Variants in BRIP1 observed in about 807,000 individuals in gnomAD.
The protein encoded by BRIP1 is Fanconi anemia group J protein.
A neutral mutation model predicts 119.7 loss-of-function variants in BRIP1; 88 were observed. The observed-to-expected ratio is 0.74, with a 90% CI of 0.62 to 0.88. BRIP1 has a LOEUF of 0.88. BRIP1 is among the 40% of genes least tolerant of loss of function. The pLI is 0.00. For synonymous variants in BRIP1, 443 were observed against 496.5 expected, an observed-to-expected ratio of 0.89 and a Z score of 1.43; for missense variants, 1,259 against 1,455.4, an observed-to-expected ratio of 0.87 and a Z score of 2.20.
In BRIP1 at chr17:61,780,552, A is replaced by T; in HGVS notation, c.1795-151T>A. 1.3e-6 allele frequency: 1 copy of T among 767,942 alleles called. No individual in the cohort carries two copies. The highest frequency in any genetic ancestry group is 2.2e-6 in the Non-Finnish European group (1 of 464,558). The allele number at this position is 767,942 out of a possible 1,614,324, so 47.6% of individuals were successfully genotyped here. A position where few individuals can be genotyped will look rare whatever the true frequency, so the allele number is the denominator to read the frequency against. On this transcript the variant is annotated intron_variant, in intron 12 of 19. Transcript: ENST00000259008. This position sits in a 1 kb window ranked among gnomAD's most constrained non-coding sequence, Gnocchi z 5.4. ...AGACCAGCCTGGGCAATATGGTGAA[A>T]CCCCGTCTCTACAAAAAATACAAAA... is the stretch of plus-strand genomic sequence containing the variant.
In BRIP1 at chr17:61,856,552, TA is replaced by T; in HGVS notation, c.379+505del. 6.6e-6 allele frequency among the ~76,000 whole-genome samples: 1 copy of T among 152,242 alleles called. No homozygotes were observed. The highest frequency in any genetic ancestry group is 6.5e-5 in the Admixed American group (1 of 15,282). On this transcript the variant is annotated intron_variant, in intron 4 of 19. Coordinates refer to ENST00000259008, the MANE Select transcript of BRIP1 (RefSeq NM_032043.3). This position sits in a 1 kb window ranked among gnomAD's most constrained non-coding sequence, Gnocchi z 5.1. Reference sequence around the variant, plus strand: ...AGCCAAAAGCAGGTGAAATATTTTTTAAATATATTATTAATAATCTTATGTT... The same window carrying T: ...AGCCAAAAGCAGGTGAAATATTTTTTAATATATTATTAATAATCTTATGTT...
intron 14 of BRIP1, among the ~76,000 whole-genome samples, chr17:61,749,307 GAAA>G (rs1008600589): frequency 6.6e-6 from 1 of 151,062 alleles, no homozygotes; most frequent in Admixed American, 6.6e-5. Context: ...AAAGTAAAGG[GAAA>G]AAAAAGAGTG....
chr17:61,689,609 T>C lies in BRIP1; in HGVS notation c.2576-3444A>G, dbSNP rs2061418000. Among the ~76,000 whole-genome samples the C allele has an allele frequency of 2.6e-5, 4 of 151,956 alleles. No individual in the cohort carries two copies. Among genetic ancestry groups the C allele is most frequent in the Non-Finnish European group, 5.9e-5 (4 of 67,986 alleles). The stretch of plus-strand genomic sequence containing the variant: ...AACCTGAACAGGATGAACCCAAAAG[T>C]CTGTACCAAAACACTTTATAATCAA... On this transcript the variant is annotated intron_variant, in intron 18 of 19. Coordinates refer to ENST00000259008, the MANE Select transcript of BRIP1 (RefSeq NM_032043.3). The surrounding 1 kb of genome is among the most constrained non-coding windows in gnomAD (Gnocchi z 4.5).
chr17:61,777,569 G>T (rs1356363457), intron 13 of BRIP1, among the ~76,000 whole-genome samples: 1 of 152,108 alleles, frequency 6.6e-6, no homozygotes, highest in African/African-American at 2.4e-5. Flanking sequence ...CCTCTGCTTG[G>T]GTTCAATTAA....
Position 61,762,147 on chromosome 17 carries a change from T to C in BRIP1, c.2097+14254A>G, listed in dbSNP as rs568044948. On this transcript the variant is annotated intron_variant, in intron 14 of 19. Coordinates refer to ENST00000259008, the MANE Select transcript of BRIP1 (RefSeq NM_032043.3). This position sits in a 1 kb window ranked among gnomAD's most constrained non-coding sequence, Gnocchi z 4.3. ...CAACAAAGGTGCCAAGTATACACAA[T>C]GGGAAAAAAAGACTCTCTAAAAATG... is the stretch of plus-strand genomic sequence containing the variant. Among the ~76,000 whole-genome samples, 1 of 151,634 alleles carries C rather than the reference T, an allele frequency of 6.6e-6. No homozygotes were observed. The highest frequency in any genetic ancestry group is 2.1e-4 in the South Asian group (1 of 4,796).
rs2077041259 is a variant in BRIP1 at position 61,745,004 on chromosome 17, T to C, written c.2098-413A>G. On this transcript the variant is annotated intron_variant, in intron 14 of 19. Coordinates refer to ENST00000259008, the MANE Select transcript of BRIP1 (RefSeq NM_032043.3). The surrounding 1 kb of genome is among the most constrained non-coding windows in gnomAD (Gnocchi z 4.4). The stretch of plus-strand genomic sequence containing the variant: ...AAACCTCTGTCAAAGTTAACAAACT[T>C]TAAGTTCTCTCTTTAAACCTAAGGT... Among the ~76,000 whole-genome samples, 1 of 152,136 alleles carries C rather than the reference T, an allele frequency of 6.6e-6. No individual in the cohort carries two copies. Among genetic ancestry groups the C allele is most frequent in the African/African-American group, 2.4e-5 (1 of 41,436 alleles).
rs747907706 is a variant in BRIP1 at position 61,683,996 on chromosome 17, G to A, written c.3050C>T (p.Pro1017Leu). ...TGACCCGAGCTCAGGTGTTGCCTTC[G>A]GTATTTTACCAGTAAAATACTGTCC... is the stretch of plus-strand genomic sequence containing the variant. Reference protein sequence around the residue: ...SLGQYFTGKIPKATPELGSSE... With the variant: ...SLGQYFTGKILKATPELGSSE... The change falls in exon 20 of 20, where the codon CCG (proline) becomes CTG (leucine). Residue 1017 changes from proline to leucine, a missense_variant. Coordinates refer to ENST00000259008, the MANE Select transcript of BRIP1 (RefSeq NM_032043.3). The surrounding 1 kb of genome is among the most constrained non-coding windows in gnomAD (Gnocchi z 4.7). The A allele has an allele frequency of 3.3e-5, 54 of 1,613,858 alleles. No homozygotes were observed. Among genetic ancestry groups the A allele is most frequent in the Non-Finnish European group, 4.2e-5 (50 of 1,179,980 alleles).
Position 61,756,272 on chromosome 17 carries a change from T to C in BRIP1, c.2098-11681A>G, listed in dbSNP as rs933325818. Among the ~76,000 whole-genome samples the C allele has an allele frequency of 1.4e-4, 21 of 152,310 alleles. No individual in the cohort carries two copies. Among genetic ancestry groups the C allele is most frequent in the Admixed American group, 7.8e-4 (12 of 15,296 alleles). Reference sequence around the variant, plus strand: ...ATAAATAAACACAAAAATAACTCAATTGTTAAATTCTCTTAGGTATCCTAA... The same window carrying C: ...ATAAATAAACACAAAAATAACTCAACTGTTAAATTCTCTTAGGTATCCTAA... On this transcript the variant is annotated intron_variant, in intron 14 of 19. Coordinates refer to ENST00000259008, the MANE Select transcript of BRIP1 (RefSeq NM_032043.3). This position sits in a 1 kb window ranked among gnomAD's most constrained non-coding sequence, Gnocchi z 4.3.
chr17:61,798,747 A>G lies in BRIP1; in HGVS notation c.1340+353T>C, dbSNP rs933512666. 6.6e-6 allele frequency among the ~76,000 whole-genome samples: 1 copy of G among 152,080 alleles called. No homozygotes were observed. Among genetic ancestry groups the G allele is most frequent in the Non-Finnish European group, 1.5e-5 (1 of 67,954 alleles). On this transcript the variant is annotated intron_variant, in intron 9 of 19. Transcript: ENST00000259008. This position sits in a 1 kb window ranked among gnomAD's most constrained non-coding sequence, Gnocchi z 5.5. ...TAGAATCCTATTTAAATTGGAGAAT[A>G]AAGCAATAAATTAAAGCCATGATCC...
intron 14 of BRIP1, among the ~76,000 whole-genome samples, chr17:61,750,708 TAAAA>T (rs71150637): frequency 6.8e-4 from 99 of 146,188 alleles, no homozygotes; most frequent in Non-Finnish European, 5.3e-4. Flanking sequence ...CTTGAATGAT[TAAAA>T]AAAAAAAAAA....
chr17:61,744,413 T>A lies in BRIP1; in HGVS notation c.2257+19A>T, dbSNP rs77851913. ...ATAAAAAATATTTTTTCACCGACCA[T>A]GAAATAATTTCCAGTTACCTTTCTC... On this transcript the variant is annotated intron_variant, in intron 15 of 19. Transcript: ENST00000259008. This position sits in a 1 kb window ranked among gnomAD's most constrained non-coding sequence, Gnocchi z 5.0. The A allele has an allele frequency of 1.2e-6, 2 of 1,610,502 alleles. No homozygotes were observed. Among genetic ancestry groups the A allele is most frequent in the Admixed American group, 1.7e-5 (1 of 59,982 alleles).
chr17:61,718,184 A>C (rs527865043), intron 16 of BRIP1, among the ~76,000 whole-genome samples: 21 of 152,224 alleles, frequency 1.4e-4, no homozygotes, highest in Non-Finnish European at 2.5e-4. Flanking sequence ...ATGCCTGCTA[A>C]TTTTTGATTG....
At chr17:61,826,743 A>AC (rs1306005080) in intron 6 of BRIP1, among the ~76,000 whole-genome samples, 6 of 149,868 alleles carry the variant, frequency 4.0e-5, no homozygotes, top group Admixed American at 2.7e-4. Flanking sequence ...AAAAAAAAAA[A>AC]AAAAAAAAAA....
chr17:61,745,447 C>G lies in BRIP1; in HGVS notation c.2098-856G>C, dbSNP rs1398816620. Among the ~76,000 whole-genome samples the G allele has an allele frequency of 6.6e-6, 1 of 152,162 alleles. No individual in the cohort carries two copies. Among genetic ancestry groups the G allele is most frequent in the Non-Finnish European group, 1.5e-5 (1 of 68,018 alleles). On this transcript the variant is annotated intron_variant, in intron 14 of 19. Transcript: ENST00000259008. The surrounding 1 kb of genome is among the most constrained non-coding windows in gnomAD (Gnocchi z 4.4). ...ACAGTGGCAAGATCATAGCTCAGTG[C>G]AGCCTCGAACTACTAGGCTCAGGCA...
chr17:61,687,249 A>G lies in BRIP1; in HGVS notation c.2576-1084T>C, dbSNP rs1312217361. ...AGTAAGACCTGTCTCTAAAAAAGAA[A>G]TAAGTAAATAAAAATAAGAATTTTA... is the stretch of plus-strand genomic sequence containing the variant. On this transcript the variant is annotated intron_variant, in intron 18 of 19. Coordinates refer to ENST00000259008, the MANE Select transcript of BRIP1 (RefSeq NM_032043.3). This position sits in a 1 kb window ranked among gnomAD's most constrained non-coding sequence, Gnocchi z 5.1. Among the ~76,000 whole-genome samples, 2 of 152,162 alleles carry G rather than the reference A, an allele frequency of 1.3e-5. No homozygotes were observed. The highest frequency in any genetic ancestry group is 1.3e-4 in the Admixed American group (2 of 15,278).
rs1417371829 is a variant in BRIP1 at position 61,684,413 on chromosome 17, G to A, written c.2906-273C>T. 6.6e-6 allele frequency among the ~76,000 whole-genome samples: 1 copy of A among 152,146 alleles called. No individual in the cohort carries two copies. The highest frequency in any genetic ancestry group is 2.4e-5 in the African/African-American group (1 of 41,442). The stretch of plus-strand genomic sequence containing the variant: ...AGCTCAAGAATGAATGAGGAAAGAA[G>A]GGGTAAAAGGGAAGAGGAAGGGAGC... On this transcript the variant is annotated intron_variant, in intron 19 of 19. Coordinates refer to ENST00000259008, the MANE Select transcript of BRIP1 (RefSeq NM_032043.3). This position sits in a 1 kb window ranked among gnomAD's most constrained non-coding sequence, Gnocchi z 4.5.
intron 17 of BRIP1, among the ~76,000 whole-genome samples, chr17:61,696,196 T>C (rs1189968909): frequency 9.6e-6 from 1 of 104,308 alleles, no homozygotes; most frequent in East Asian, 3.0e-4. Context: ...TACTGTTTTA[T>C]GCTTTTTTTT....
intron 16 of BRIP1, among the ~76,000 whole-genome samples, chr17:61,731,412 C>G (rs1372196371): frequency 6.6e-6 from 1 of 152,190 alleles, no homozygotes; most frequent in Non-Finnish European, 1.5e-5. Context: ...GGCTGTATTC[C>G]TGGATCTGGT....
intron 10 of BRIP1, among the ~76,000 whole-genome samples, chr17:61,784,990 T>C (rs538806694): frequency 5.9e-5 from 9 of 152,336 alleles, no homozygotes; most frequent in African/African-American, 2.2e-4. Flanking sequence ...CAATATATTT[T>C]AGATTGCCAT....
Sources: gnomAD v4.1 joint callset for allele counts (sites outside exome capture counted in the v4.1 genomes callset) on GRCh38, gnomAD v4.1.1 for gene constraint, Gnocchi (gnomAD v3.1) non-coding constraint, MANE v1.5 for transcripts, NCBI Gene and HGNC (gene_info 2026-07-23, HGNC 2026-07-21) for gene names.